Variants in ZNF469 observed in about 807,000 individuals in gnomAD.
ZNF469 encodes the protein zinc finger protein 469.
In ZNF469, 1 loss-of-function variant was observed where a neutral mutation model predicts 1.0. That is an observed-to-expected ratio of 1.00 (90% CI 0.35 to 4.73). The LOEUF (loss-of-function observed/expected upper bound fraction) is 4.73, where lower values mean the gene tolerates loss of function less well. ZNF469 is among the 30% of genes most tolerant of loss of function. The probability of loss-of-function intolerance (pLI) is 0.16; values close to 1 mark genes in which losing one functional copy is unlikely to be tolerated. For synonymous variants in ZNF469, 2,703 were observed against 2,363.4 expected, an observed-to-expected ratio of 1.14 and a Z score of -4.17; for missense variants, 6,100 against 5,356.3, an observed-to-expected ratio of 1.14 and a Z score of -4.33.
intron 1 of ZNF469, among the ~76,000 whole-genome samples, chr16:88,419,265 C>T (rs1597201125): frequency 1.3e-5 from 2 of 152,214 alleles, no homozygotes; most frequent in South Asian, 4.1e-4. Flanking sequence ...CAGGGTGACA[C>T]AGCTCGGACA....
At chr16:88,247,183 T>A in the ZNF469 span, among the ~76,000 whole-genome samples, 5 of 150,012 alleles carry the variant, frequency 3.3e-5, no homozygotes, top group African/African-American at 1.2e-4. Context: ...AGTGAATGAG[T>A]GAGTGAATCA....
chr16:88,396,890 C>T (rs1375445888), intron 1 of ZNF469, among the ~76,000 whole-genome samples: 1 of 148,534 alleles, frequency 6.7e-6, no homozygotes, highest in African/African-American at 2.5e-5. Flanking sequence ...GAAGGGAGGC[C>T]GGGTGGAGAC....
chr16:88,217,361 C>T, the ZNF469 span, among the ~76,000 whole-genome samples: 5 of 152,140 alleles, frequency 3.3e-5, no homozygotes, highest in African/African-American at 7.2e-5. Context: ...CTATGGAAAG[C>T]GTGATGTGTT....
chr16:88,232,024 A>C, the ZNF469 span, among the ~76,000 whole-genome samples: 1 of 151,994 alleles, frequency 6.6e-6, no homozygotes, highest in South Asian at 2.1e-4. Context: ...GGCATGGTGG[A>C]CCCTCCGGGC....
chr16:88,377,502 C>A, the ZNF469 span, among the ~76,000 whole-genome samples: 4 of 152,332 alleles, frequency 2.6e-5, no homozygotes, highest in East Asian at 1.9e-4. Flanking sequence ...TCGACTGGGG[C>A]CATTCAGATG....
At chr16:88,387,537 G>T (rs1387381331) in intron 1 of ZNF469, among the ~76,000 whole-genome samples, 6 of 152,224 alleles carry the variant, frequency 3.9e-5, no homozygotes, top group Non-Finnish European at 7.3e-5. Context: ...GGGGCGGCTT[G>T]GGGGCTGTGA....
At chr16:88,311,854 G>C in the ZNF469 span, among the ~76,000 whole-genome samples, 2 of 152,038 alleles carry the variant, frequency 1.3e-5, no homozygotes. Context: ...TCCTGAAGCT[G>C]CGTGCTTTCA....
the ZNF469 span, among the ~76,000 whole-genome samples, chr16:88,336,378 T>G: frequency 1.3e-5 from 2 of 148,288 alleles, no homozygotes; most frequent in East Asian, 4.0e-4. Flanking sequence ...GACACTAACA[T>G]GCCAACATCA....
At chr16:88,366,379 A>G in the ZNF469 span, among the ~76,000 whole-genome samples, 6 of 151,412 alleles carry the variant, frequency 4.0e-5, no homozygotes, top group Non-Finnish European at 8.8e-5. Context: ...CAGCCCCATC[A>G]TCACCTTCAC....
At chr16:88,220,567 CA>C in the ZNF469 span, among the ~76,000 whole-genome samples, 2 of 152,178 alleles carry the variant, frequency 1.3e-5, no homozygotes, top group African/African-American at 4.8e-5. Flanking sequence ...GCCCCTGGAG[CA>C]AACTGATTCT....
chr16:88,223,553 G>A, the ZNF469 span, among the ~76,000 whole-genome samples: 1 of 152,122 alleles, frequency 6.6e-6, no homozygotes, highest in Admixed American at 6.5e-5. Context: ...GCAGAAAGGT[G>A]GACAGACACC....
intron 1 of ZNF469, among the ~76,000 whole-genome samples, chr16:88,417,178 G>T (rs757798771): frequency 2.1e-5 from 3 of 142,800 alleles, no homozygotes; most frequent in Non-Finnish European, 4.6e-5. Context: ...CCAGAGCGTC[G>T]CTGCAAGGGA....
chr16:88,166,772 AACACAC>A, the ZNF469 span, among the ~76,000 whole-genome samples: 7 of 145,782 alleles, frequency 4.8e-5, no homozygotes, highest in African/African-American at 1.3e-4. The surrounding 1 kb of genome is among the most constrained non-coding windows in gnomAD (Gnocchi z 4.5). Flanking sequence ...CAGAATCATA[AACACAC>A]ACACACACAC....
chr16:88,440,328 C>G lies in ZNF469; in HGVS notation c.*996C>G, dbSNP rs1445899572. On this transcript the variant is annotated 3_prime_UTR_variant, in exon 3 of 3. Coordinates refer to ENST00000565624, the MANE Select transcript of ZNF469 (RefSeq NM_001367624.2). ...CCGGGCTGCAAGCCTGAGGTCTGTG[C>G]TGCCAGACGGGGATGCTCAGGGCTG... 1 of 152,136 alleles carries G rather than the reference C, an allele frequency of 6.6e-6. No individual in the cohort carries two copies. Among genetic ancestry groups the G allele is most frequent in the Non-Finnish European group, 1.5e-5 (1 of 68,044 alleles). 9.4% of individuals were successfully genotyped at this position (152,136 alleles called of 1,614,324 possible). A position where few individuals can be genotyped will look rare whatever the true frequency, so the allele number is the denominator to read the frequency against.
chr16:88,383,503 C>T (rs958082606), intron 1 of ZNF469, among the ~76,000 whole-genome samples: 2 of 149,300 alleles, frequency 1.3e-5, no homozygotes, highest in East Asian at 2.0e-4. Context: ...GGGGCCGCAG[C>T]CTTGCCCGGA....
At chr16:88,284,338 C>A in the ZNF469 span, among the ~76,000 whole-genome samples, 1 of 152,212 alleles carries the variant, frequency 6.6e-6, no homozygotes. Context: ...ATAATCCCAG[C>A]CTCCTGAAGT....
rs1053507028 is a variant in ZNF469, at chr16:88,430,943, C to G, written c.3473C>G (p.Pro1158Arg). 6.5e-7 allele frequency: 1 copy of G among 1,535,762 alleles called. No individual in the cohort carries two copies. The highest frequency in any genetic ancestry group is 8.7e-7 in the Non-Finnish European group (1 of 1,145,016). The change falls in exon 3 of 3, where the codon CCG becomes CGG. Residue 1158 changes from proline (P) to arginine (R), a missense_variant. Pro to Arg is a moderately radical substitution (Grantham distance 103, BLOSUM62 -2). Coordinates refer to ENST00000565624, the MANE Select transcript of ZNF469 (RefSeq NM_001367624.2). Reference protein sequence around the residue: ...GDGAPANPEEPGGSRPGPGRS... With the variant: ...GDGAPANPEERGGSRPGPGRS... ...GGAGCCCCCGCGAACCCCGAGGAGC[C>G]GGGCGGGTCTCGCCCGGGCCCCGGC...
intron 1 of ZNF469, among the ~76,000 whole-genome samples, chr16:88,391,417 T>A (rs1364564583): frequency 6.6e-6 from 1 of 152,266 alleles, no homozygotes; most frequent in Non-Finnish European, 1.5e-5. Flanking sequence ...TCAAGTCTGA[T>A]CCTGGGCAAA....
the ZNF469 span, among the ~76,000 whole-genome samples, chr16:88,225,387 T>C: frequency 3.9e-5 from 6 of 152,274 alleles, no homozygotes; most frequent in African/African-American, 1.4e-4. Flanking sequence ...TCTTATAGAG[T>C]GCGAGGCATT....
Sources: allele counts gnomAD v4.1 joint callset (sites outside exome capture counted in the v4.1 genomes callset), GRCh38; gene constraint gnomAD v4.1.1; non-coding constraint Gnocchi (gnomAD v3.1); transcripts MANE v1.5; gene names NCBI Gene and HGNC (gene_info 2026-07-23, HGNC 2026-07-21).